ZYG11A: variants seen among roughly 807,000 people sequenced by gnomAD.
The protein encoded by ZYG11A is protein zyg-11 homolog A.
A neutral mutation model predicts 77.2 loss-of-function variants in ZYG11A; 62 were observed. The observed-to-expected ratio is 0.80, with a 90% CI of 0.65 to 0.99. The LOEUF (loss-of-function observed/expected upper bound fraction) is 0.99. Among genes scored for constraint, ZYG11A ranks in the 50% least tolerant of loss-of-function variants. The pLI, the probability that ZYG11A is intolerant of heterozygous loss-of-function variation, is 0.00. For missense variants in ZYG11A, 828 were observed against 896.8 expected (o/e 0.92, Z 0.98); for synonymous variants, 315 against 324.6 (o/e 0.97, Z 0.32).
At chr1:52,871,169 C>T (rs1646157269) in intron 8 of ZYG11A, among the ~76,000 whole-genome samples, 1 of 152,124 alleles carries the variant, frequency 6.6e-6, no homozygotes, top group Admixed American at 6.6e-5. Context: ...TTGATCTCAT[C>T]CTGTGCTGAA....
In ZYG11A at chr1:52,867,751, C is replaced by T. The variant is rs1482505456; in HGVS notation, c.1516C>T (p.Leu506Phe). The change falls in exon 8 of 14, where the codon CTT becomes TTT. Residue 506 changes from leucine (L) to phenylalanine (F), a missense_variant. By Grantham distance (22) the Leu-to-Phe change is conservative. Transcript: ENST00000371528. ...GCTCTCACCTGAGCAAACGGCACAGCTTGAAGAGCTTTTCATGGCAGTTAA... is the reference window on the plus strand; with the variant it reads ...GCTCTCACCTGAGCAAACGGCACAGTTTGAAGAGCTTTTCATGGCAGTTAA... ...LQLSPEQTAQLEELFMAVKEL... is the reference protein window; with the variant it reads ...LQLSPEQTAQFEELFMAVKEL... 2 of 1,551,322 alleles carry T rather than the reference C, an allele frequency of 1.3e-6. No homozygotes were observed. The highest frequency in any genetic ancestry group is 2.0e-5 in the Admixed American group (1 of 50,926).
At chr1:52,867,432 A>G in intron 6 of ZYG11A, 107 bp from the exon 7 acceptor site, 1 of 763,396 alleles carries the variant, frequency 1.3e-6, no homozygotes, top group Non-Finnish European at 2.1e-6. Context: ...TTAAAAGTCC[A>G]AGACTGTTTT....
chr1:52,851,040 A>AAAATTTTT (rs1296547804), intron 1 of ZYG11A, among the ~76,000 whole-genome samples: 1 of 151,938 alleles, frequency 6.6e-6, no homozygotes, highest in Non-Finnish European at 1.5e-5. Flanking sequence ...TCAGAGACTT[A>AAAATTTTT]AAATTTTTTT....
intron 8 of ZYG11A, among the ~76,000 whole-genome samples, chr1:52,868,481 T>C (rs1249344589): frequency 6.6e-6 from 1 of 152,168 alleles, no homozygotes; most frequent in Non-Finnish European, 1.5e-5. Flanking sequence ...CATCGTTCAC[T>C]AAAAAATTTA....
At chr1:52,868,035 C>T (rs1419555475) in intron 8 of ZYG11A, among the ~76,000 whole-genome samples, 3 of 109,194 alleles carry the variant, frequency 2.7e-5, no homozygotes, top group Admixed American at 1.8e-4. Context: ...GGCGCGATCT[C>T]GGCTCACTGC....
chr1:52,848,461 A>G (rs776602436), intron 1 of ZYG11A, among the ~76,000 whole-genome samples: 4 of 152,036 alleles, frequency 2.6e-5, no homozygotes, highest in Non-Finnish European at 4.4e-5. Flanking sequence ...TTCCGAAATC[A>G]GTGGGTTTAT....
chr1:52,879,017 C>G (rs1646315972), intron 10 of ZYG11A, among the ~76,000 whole-genome samples: 1 of 150,524 alleles, frequency 6.6e-6, no homozygotes, highest in Non-Finnish European at 1.5e-5. Context: ...GCTCCAGACC[C>G]TCTGATATTA....
Position 52,864,082 on chromosome 1 carries a change from G to A in ZYG11A, c.1251G>A (p.Gly417=), listed in dbSNP as rs2150001879. ...TAACACGCCAGGGCCTGGCCAAGGG[G>A]ATGCCTGTTCGCCTGTTGTCAGAGG... ...LNLTRQGLAK[G]MPVRLLSEVT... Residue 417 remains glycine (G), a synonymous_variant, in exon 5 of 14, where the codon GGG becomes GGA. Transcript: ENST00000371528. The A allele has an allele frequency of 1.9e-6, 3 of 1,551,914 alleles. No individual in the cohort carries two copies. Among genetic ancestry groups the A allele is most frequent in the Non-Finnish European group, 2.6e-6 (3 of 1,147,046 alleles).
chr1:52,862,694 C>CA (rs1365235751), intron 4 of ZYG11A, among the ~76,000 whole-genome samples: 1 of 151,968 alleles, frequency 6.6e-6, no homozygotes, highest in African/African-American at 2.4e-5. Flanking sequence ...GATCCCAACT[C>CA]AAAAAAATAA....
intron 2 of ZYG11A, 74 bp from the exon 3 acceptor site, chr1:52,856,923 AT>A: frequency 7.0e-7 from 1 of 1,422,838 alleles, no homozygotes; most frequent in South Asian, 1.5e-5. Flanking sequence ...ATCTGTCTTA[AT>A]TCTTTGCCAC....
chr1:52,877,251 C>A (rs12074005), intron 8 of ZYG11A, among the ~76,000 whole-genome samples: 7,272 of 152,190 alleles, frequency 0.048, 555 homozygotes, highest in African/African-American at 0.17. Flanking sequence ...CCTAAAGCCT[C>A]AATTTTAGGC....
chr1:52,853,765 G>A (rs1230132500), intron 1 of ZYG11A, among the ~76,000 whole-genome samples: 1 of 152,072 alleles, frequency 6.6e-6, no homozygotes, highest in Non-Finnish European at 1.5e-5. Context: ...AAAATTAGCT[G>A]GGCATGGTGG....
At chr1:52,885,728 A>T in intron 11 of ZYG11A, 105 bp from the exon 12 acceptor site, 2 of 775,502 alleles carry the variant, frequency 2.6e-6, no homozygotes, top group Non-Finnish European at 4.2e-6. Context: ...TATTTTGCCA[A>T]GTAGATGTAT....
At chr1:52,873,701 C>G (rs1345299444) in intron 8 of ZYG11A, among the ~76,000 whole-genome samples, 1 of 152,022 alleles carries the variant, frequency 6.6e-6, no homozygotes, top group Non-Finnish European at 1.5e-5. Flanking sequence ...GAAAGAAGTT[C>G]TAGGCCAGGT....
intron 1 of ZYG11A, among the ~76,000 whole-genome samples, chr1:52,843,261 G>A (rs559252502): frequency 6.6e-6 from 1 of 152,340 alleles, no homozygotes; most frequent in African/African-American, 2.4e-5. Context: ...CCCAGAGACC[G>A]GGGCGAGCCT....
intron 11 of ZYG11A, among the ~76,000 whole-genome samples, chr1:52,885,067 C>A (rs938130551): frequency 2.0e-5 from 3 of 152,098 alleles, no homozygotes. Flanking sequence ...CACCACCATA[C>A]CCGGCTAATT....
chr1:52,851,263 C>G (rs1645705372), intron 1 of ZYG11A, among the ~76,000 whole-genome samples: 5 of 152,060 alleles, frequency 3.3e-5, no homozygotes, highest in Admixed American at 3.3e-4. Context: ...CACATCTGGT[C>G]TTGAACTCCT....
Position 52,846,432 on chromosome 1 carries a change from A to G in ZYG11A, c.90+3459A>G, listed in dbSNP as rs149801847. Among the ~76,000 whole-genome samples, 686 of 146,848 alleles carry G rather than the reference A, an allele frequency of 4.7e-3. 7 individuals carry two copies. Among genetic ancestry groups the G allele is most frequent in the African/African-American group, 0.017 (662 of 39,946 alleles). The stretch of plus-strand genomic sequence containing the variant: ...CAGTGGCATGATCTTGGCTCACCAC[A>G]ACCTCCGCCTCCCAGGTTCAAGCGA... On this transcript the variant is annotated intron_variant, in intron 1 of 13. Transcript: ENST00000371528.
Position 52,877,625 on chromosome 1 carries a change from C to T in ZYG11A, c.1543-57C>T, listed in dbSNP as rs189572602. 2.4e-5 allele frequency: 35 copies of T among 1,438,906 alleles called. No individual in the cohort carries two copies. The African/African-American group carries it at 4.0e-4, about 16-fold the overall frequency. The allele number at this position is 1,438,906 out of a possible 1,614,324, so 89.1% of individuals were successfully genotyped here. The stretch of plus-strand genomic sequence containing the variant: ...GCGTCTTAACATTGCTTTCCTTATA[C>T]CGCAATTGATTATTCATTAGAGCAT... On this transcript the variant is annotated intron_variant, in intron 8 of 13. Transcript: ENST00000371528.
Sources: allele counts gnomAD v4.1 joint callset (sites outside exome capture counted in the v4.1 genomes callset), GRCh38; gene constraint gnomAD v4.1.1; transcripts MANE v1.5; gene names NCBI Gene and HGNC (gene_info 2026-07-23, HGNC 2026-07-21).